SNX29: variants seen among roughly 807,000 people sequenced by gnomAD.
SNX29 encodes sorting nexin 29, also known as sorting nexin-29.
A neutral mutation model predicts 102.1 loss-of-function variants in SNX29; 78 were observed. That is an observed-to-expected ratio of 0.76 (90% CI 0.64 to 0.92). SNX29 has a LOEUF of 0.92. SNX29 is among the 40% of genes least tolerant of loss of function. The pLI is 0.00. For synonymous variants in SNX29, 580 were observed against 414.5 expected, an observed-to-expected ratio of 1.40 and a Z score of -4.85; for missense variants, 1,280 against 1,061.7, an observed-to-expected ratio of 1.21 and a Z score of -2.86.
chr16:12,331,283 G>T (rs772622897), intron 15 of SNX29, among the ~76,000 whole-genome samples: 1 of 152,182 alleles, frequency 6.6e-6, no homozygotes, highest in Admixed American at 6.5e-5. Flanking sequence ...CCTTCTCTAC[G>T]TGCTCCAAGT....
At chr16:12,309,125 A>G (rs1395543054) in intron 15 of SNX29, among the ~76,000 whole-genome samples, 2 of 152,116 alleles carry the variant, frequency 1.3e-5, no homozygotes. Flanking sequence ...GGGTTCTGCA[A>G]CCCTGCTGTG....
rs574722595 is a variant in SNX29 at position 12,494,274 on chromosome 16, G to C, written c.2178+16415G>C. Among the ~76,000 whole-genome samples the C allele has an allele frequency of 5.9e-5, 9 of 152,228 alleles. No individual in the cohort carries two copies. In the South Asian group the frequency reaches 1.9e-3, roughly 32 times the overall value. ...CCCACCATCTCTGCGTCCTCCCTGT[G>C]CCTCCTGCGTGCCTGGCCCCCGTTC... is the stretch of plus-strand genomic sequence containing the variant. On this transcript the variant is annotated intron_variant, in intron 19 of 20. Transcript: ENST00000566228.
chr16:12,444,259 TAGTAAGCACTCAGTATAGCACCTAGCATG>T (rs1157837877), intron 18 of SNX29, among the ~76,000 whole-genome samples: 3 of 20,954 alleles, frequency 1.4e-4, no homozygotes, highest in African/African-American at 3.1e-4. Flanking sequence ...ACCGAGCACG[TAGTAAGCACTCAGTATAGCACCTAGCATG>T]TAGTAAGCAC....
intron 20 of SNX29, chr16:12,527,055 C>G (rs534168647): frequency 2.9e-4 from 119 of 416,972 alleles, no homozygotes; most frequent in African/African-American, 2.2e-3. Flanking sequence ...GGAATTTTGA[C>G]TACATGTTGG....
rs562739450 is a variant in SNX29 at position 12,490,177 on chromosome 16, A to T, written c.2178+12318A>T. Among the ~76,000 whole-genome samples, 25 of 152,346 alleles carry T rather than the reference A, an allele frequency of 1.6e-4. 1 individual carries two copies. The highest frequency in any genetic ancestry group is 5.1e-4 in the African/African-American group (21 of 41,574). ...AAGGTACAGTTTGATGGATTTTCAC[A>T]AAATGAACACACCTAGGCAAACAGC... On this transcript the variant is annotated intron_variant, in intron 19 of 20. Coordinates refer to ENST00000566228, the MANE Select transcript of SNX29 (RefSeq NM_032167.5).
chr16:12,344,348 C>A (rs2081711265), intron 15 of SNX29, among the ~76,000 whole-genome samples: 3 of 152,178 alleles, frequency 2.0e-5, no homozygotes, highest in Admixed American at 2.0e-4. Context: ...ATCCCACGGC[C>A]TTTAGTGTTA....
chr16:12,028,722 T>C (rs1384247165), intron 4 of SNX29, among the ~76,000 whole-genome samples: 1 of 152,122 alleles, frequency 6.6e-6, no homozygotes, highest in Admixed American at 6.5e-5. Flanking sequence ...GTACATAATA[T>C]TTGTACATAT....
chr16:12,194,781 C>G (rs113800086), intron 13 of SNX29, among the ~76,000 whole-genome samples: 2,892 of 151,920 alleles, frequency 0.019, 93 homozygotes, highest in African/African-American at 0.066. Flanking sequence ...CATGCACCAC[C>G]AGGCCCAGCT....
intron 20 of SNX29, among the ~76,000 whole-genome samples, chr16:12,538,230 C>G (rs1390323389): frequency 2.0e-5 from 3 of 152,122 alleles, no homozygotes; most frequent in Non-Finnish European, 2.9e-5. Flanking sequence ...ATTCTTGTGC[C>G]TCAGTCTCCC....
At chr16:12,481,919 C>T (rs1209764298) in intron 19 of SNX29, among the ~76,000 whole-genome samples, 1 of 152,186 alleles carries the variant, frequency 6.6e-6, no homozygotes, top group Non-Finnish European at 1.5e-5. Context: ...TGAAATCCAC[C>T]TTGGCTGCTG....
chr16:12,511,849 C>T (rs2089636253), intron 19 of SNX29, among the ~76,000 whole-genome samples: 1 of 151,938 alleles, frequency 6.6e-6, no homozygotes, highest in African/African-American at 2.4e-5. Context: ...CCACAGCCTC[C>T]TATGGGACTT....
In SNX29 at chr16:12,572,912, G is replaced by C; in HGVS notation, c.*4283G>C. 7 of 997,626 alleles carry C rather than the reference G, an allele frequency of 7.0e-6. No individual in the cohort carries two copies. Among genetic ancestry groups the C allele is most frequent in the Non-Finnish European group, 8.6e-6 (7 of 818,128 alleles). The allele number at this position is 997,626 out of a possible 1,614,324, so 61.8% of individuals were successfully genotyped here. A position where few individuals can be genotyped will look rare whatever the true frequency, so the allele number is the denominator to read the frequency against. On this transcript the variant is annotated 3_prime_UTR_variant, in exon 21 of 21. Coordinates refer to ENST00000566228, the MANE Select transcript of SNX29 (RefSeq NM_032167.5). Reference sequence around the variant, plus strand: ...TGGCATTTCGCTCGGAATCACGGCAGACTTGGAGTGTTTCTTCAAGGCAGG... The same window carrying C: ...TGGCATTTCGCTCGGAATCACGGCACACTTGGAGTGTTTCTTCAAGGCAGG...
chr16:12,410,207 G>A (rs574281811), intron 18 of SNX29, among the ~76,000 whole-genome samples: 36 of 152,214 alleles, frequency 2.4e-4, no homozygotes, highest in African/African-American at 8.2e-4. Context: ...TGTTAGCCAG[G>A]GTGGTCTTGA....
intron 15 of SNX29, among the ~76,000 whole-genome samples, chr16:12,289,477 C>T (rs1427556977): frequency 1.3e-5 from 2 of 152,090 alleles, no homozygotes; most frequent in African/African-American, 4.8e-5. Flanking sequence ...TACCTCGTTT[C>T]CCATTTCCTG....
chr16:12,559,171 C>G (rs1429604975), intron 20 of SNX29, among the ~76,000 whole-genome samples: 1 of 152,106 alleles, frequency 6.6e-6, no homozygotes, highest in African/African-American at 2.4e-5. Context: ...AGTCCATAGC[C>G]TGTTAGGTAC....
chr16:12,182,628 A>G (rs937138563), intron 13 of SNX29, among the ~76,000 whole-genome samples: 3 of 152,114 alleles, frequency 2.0e-5, no homozygotes, highest in East Asian at 3.9e-4. Context: ...TTTACCCTCA[A>G]TGGGACATAG....
intron 4 of SNX29, among the ~76,000 whole-genome samples, chr16:12,041,024 A>G (rs1006350030): frequency 2.0e-4 from 30 of 151,844 alleles, no homozygotes; most frequent in African/African-American, 6.8e-4. Context: ...TTTGGCCAGG[A>G]TGGTCATCTC....
intron 19 of SNX29, among the ~76,000 whole-genome samples, chr16:12,495,214 T>C (rs116769514): frequency 0.011 from 1,733 of 152,238 alleles, 34 homozygotes; most frequent in African/African-American, 0.04. Flanking sequence ...CACAGTGGCA[T>C]GGTCTCGGCT....
At chr16:12,089,107 GGA>G (rs753818915) in intron 11 of SNX29, among the ~76,000 whole-genome samples, 4 of 142,820 alleles carry the variant, frequency 2.8e-5, no homozygotes, top group African/African-American at 1.0e-4. Context: ...AAGAAAGAGA[GGA>G]GAGAGAGAGA....
Sources: allele counts gnomAD v4.1 joint callset (sites outside exome capture counted in the v4.1 genomes callset), GRCh38; gene constraint gnomAD v4.1.1; transcripts MANE v1.5; gene names NCBI Gene and HGNC (gene_info 2026-07-23, HGNC 2026-07-21).